The following YWHAE variants were observed in gnomAD, a reference collection of about 807,000 sequenced individuals.
YWHAE encodes 14-3-3 protein epsilon.
YWHAE carries 4 observed loss-of-function variants against 30.1 expected under a neutral mutation model. The ratio of observed to expected loss-of-function variants is 0.13; its 90% confidence interval spans 0.07 to 0.30. YWHAE has a LOEUF of 0.30. Among genes scored for constraint, YWHAE ranks in the 10% least tolerant of loss-of-function variants. The pLI, the probability that YWHAE is intolerant of heterozygous loss-of-function variation, is 1.00. For synonymous variants in YWHAE, 118 were observed against 111.8 expected (o/e 1.06, Z -0.35); for missense variants, 121 against 315.9 (o/e 0.38, Z 4.68).
chr17:1,364,367 C>T (rs1567965662), intron 2 of YWHAE, among the ~76,000 whole-genome samples: 1 of 152,060 alleles, frequency 6.6e-6, no homozygotes, highest in Admixed American at 6.6e-5. Flanking sequence ...GCTGGGACCA[C>T]AGGCTCCCGC....
At chr17:1,376,815 G>A (rs17625475) in intron 1 of YWHAE, among the ~76,000 whole-genome samples, 3 of 152,078 alleles carry the variant, frequency 2.0e-5, no homozygotes, top group Non-Finnish European at 1.5e-5. Context: ...GAAATTCAGG[G>A]TCAGGAAAAA....
At chr17:1,380,331 C>G (rs1258986149) in intron 1 of YWHAE, among the ~76,000 whole-genome samples, 1 of 152,050 alleles carries the variant, frequency 6.6e-6, no homozygotes, top group Non-Finnish European at 1.5e-5. Flanking sequence ...AGGATGGTCT[C>G]GAACTCGTGA....
chr17:1,386,959 G>GA lies in YWHAE; in HGVS notation c.64+13087dup, dbSNP rs11357704. Among the ~76,000 whole-genome samples, 90 of 142,084 alleles carry GA rather than the reference G, an allele frequency of 6.3e-4. 1 individual carries two copies. The highest frequency in any genetic ancestry group is 3.1e-3 in the East Asian group (15 of 4,766). The allele number at this position is 142,084 out of a possible 152,430, so 93.2% of individuals were successfully genotyped here. A position where few individuals can be genotyped will look rare whatever the true frequency, so the allele number is the denominator to read the frequency against. ...ACAGAGTGAGACTCCGTCTCAAAAG[G>GA]AAAAAAAAAAAAAAGAGGAAAACAT... On this transcript the variant is annotated intron_variant, in intron 1 of 5. Coordinates refer to ENST00000264335, the MANE Select transcript of YWHAE (RefSeq NM_006761.5).
Position 1,355,131 on chromosome 17 carries a change from A to C in YWHAE, c.579-784T>G, listed in dbSNP as rs1387037629. 7.3e-3 allele frequency among the ~76,000 whole-genome samples: 775 copies of C among 105,876 alleles called. 3 individuals are homozygous for C. Among genetic ancestry groups the C allele is most frequent in the South Asian group, 0.02 (66 of 3,292 alleles). The allele number at this position is 105,876 out of a possible 152,430, so 69.5% of individuals were successfully genotyped here. On this transcript the variant is annotated intron_variant, in intron 4 of 5. Coordinates refer to ENST00000264335, the MANE Select transcript of YWHAE (RefSeq NM_006761.5). The stretch of plus-strand genomic sequence containing the variant: ...CAAGATTTTTTAAAAAAAAAAAAAA[A>C]AAAAAAAAAAAAAAAAATTTTTTTT...
chr17:1,349,636 C>T (rs1454944370), intron 5 of YWHAE, among the ~76,000 whole-genome samples: 3 of 149,360 alleles, frequency 2.0e-5, no homozygotes, highest in African/African-American at 7.4e-5. Context: ...TTTTTTGAGA[C>T]GGAGTCTTGC....
chr17:1,378,772 C>A (rs2073161971), intron 1 of YWHAE, among the ~76,000 whole-genome samples: 1 of 152,134 alleles, frequency 6.6e-6, no homozygotes, highest in Non-Finnish European at 1.5e-5. Flanking sequence ...ATGGTGAAAT[C>A]CCGTCTCTAC....
chr17:1,359,141 A>G (rs1266168268), intron 4 of YWHAE, among the ~76,000 whole-genome samples: 1 of 151,904 alleles, frequency 6.6e-6, no homozygotes, highest in Non-Finnish European at 1.5e-5. Context: ...CCCTCAAAAA[A>G]AAGAAAAAAG....
chr17:1,347,044 G>A (rs2072532233), intron 5 of YWHAE, among the ~76,000 whole-genome samples: 1 of 146,898 alleles, frequency 6.8e-6, no homozygotes, highest in East Asian at 2.0e-4. Context: ...TATGTATGCT[G>A]GAGCCAGGCA....
At chr17:1,392,850 C>CAA (rs545119578) in intron 1 of YWHAE, among the ~76,000 whole-genome samples, 4 of 128,404 alleles carry the variant, frequency 3.1e-5, no homozygotes, top group Middle Eastern at 4.3e-3. Context: ...AAATCCATCT[C>CAA]AAAAAAAAAA....
At chr17:1,385,661 G>GAGA (rs1567981547) in intron 1 of YWHAE, among the ~76,000 whole-genome samples, 3 of 151,950 alleles carry the variant, frequency 2.0e-5, no homozygotes, top group African/African-American at 7.2e-5. Context: ...GAAGGAAGAC[G>GAGA]GAGGATGCAG....
chr17:1,389,370 G>A (rs1288486009), intron 1 of YWHAE, among the ~76,000 whole-genome samples: 1 of 152,108 alleles, frequency 6.6e-6, no homozygotes, highest in African/African-American at 2.4e-5. Flanking sequence ...GGATTAAGTA[G>A]TATTTAGTAG....
Position 1,345,312 on chromosome 17 carries a change from C to T in YWHAE, c.*135G>A, listed in dbSNP as rs1432625146. ...TTTAAAAAAAAAAAAAAAAAACCAA[C>T]AGGGCAGGAACCTAAATTCTGAGAC... On this transcript the variant is annotated 3_prime_UTR_variant, in exon 6 of 6. Transcript: ENST00000264335. The T allele has an allele frequency of 8.5e-6, 5 of 590,076 alleles. No homozygotes were observed. Among genetic ancestry groups the T allele is most frequent in the Non-Finnish European group, 1.4e-5 (5 of 367,000 alleles). The allele number at this position is 590,076 out of a possible 1,614,324, so 36.6% of individuals were successfully genotyped here.
At chr17:1,358,621 T>C (rs959234326) in intron 4 of YWHAE, among the ~76,000 whole-genome samples, 6 of 148,720 alleles carry the variant, frequency 4.0e-5, no homozygotes, top group African/African-American at 1.5e-4. Context: ...AGGTCAGGAG[T>C]TTGAGACCAG....
At chr17:1,374,372 T>C (rs7222464) in intron 1 of YWHAE, among the ~76,000 whole-genome samples, 110,510 of 151,842 alleles carry the variant, frequency 0.73, 41,688 homozygotes, top group African/African-American at 0.93. Context: ...GTTGTTTCCA[T>C]TTTTGGACTA....
chr17:1,393,012 T>C (rs2073411456), intron 1 of YWHAE, among the ~76,000 whole-genome samples: 1 of 151,966 alleles, frequency 6.6e-6, no homozygotes, highest in Non-Finnish European at 1.5e-5. Flanking sequence ...AAGACCAGCC[T>C]GGGCAACATG....
At chr17:1,359,427 A>AGGGAAAAGGTGGAAACCCACTGACC (rs2072816861) in intron 4 of YWHAE, among the ~76,000 whole-genome samples, 1 of 152,218 alleles carries the variant, frequency 6.6e-6, no homozygotes, top group Non-Finnish European at 1.5e-5. Context: ...TACTCACCAT[A>AGGGAAAAGGTGGAAACCCACTGACC]GGGAAAAGGT....
chr17:1,353,182 T>C (rs1444085102), intron 5 of YWHAE, among the ~76,000 whole-genome samples: 1 of 152,084 alleles, frequency 6.6e-6, no homozygotes, highest in African/African-American at 2.4e-5. Context: ...CTTGCGCCTG[T>C]AATCCCAGCA....
chr17:1,371,008 A>T (rs2013794310), intron 1 of YWHAE, among the ~76,000 whole-genome samples: 1 of 152,132 alleles, frequency 6.6e-6, no homozygotes, highest in Non-Finnish European at 1.5e-5. Context: ...CAAAAAATAA[A>T]AAATCAAAAA....
intron 1 of YWHAE, among the ~76,000 whole-genome samples, chr17:1,392,148 G>A (rs181475724): frequency 2.0e-3 from 311 of 152,126 alleles, no homozygotes; most frequent in Middle Eastern, 3.4e-3. Flanking sequence ...ATGTGACACT[G>A]CATCCCAGCC....
Sources: allele counts gnomAD v4.1 joint callset (sites outside exome capture counted in the v4.1 genomes callset), GRCh38; gene constraint gnomAD v4.1.1; transcripts MANE v1.5; gene names NCBI Gene and HGNC (gene_info 2026-07-23, HGNC 2026-07-21).